MYO3A: variants seen among roughly 807,000 people sequenced by gnomAD.
MYO3A encodes myosin IIIA.
In MYO3A, 180 loss-of-function variants were observed where a neutral mutation model predicts 192.7. The ratio of observed to expected loss-of-function variants is 0.93; its 90% CI spans 0.83 to 1.06. The LOEUF (loss-of-function observed/expected upper bound fraction) is 1.06, where lower values mean the gene tolerates loss of function less well. Among genes scored for constraint, MYO3A ranks in the 50% least tolerant of loss-of-function variants. The probability of loss-of-function intolerance (pLI) is 0.00; values close to 1 mark genes in which losing one functional copy is unlikely to be tolerated. For synonymous variants in MYO3A, 628 were observed against 645.3 expected, an observed-to-expected ratio of 0.97 and a Z score of 0.41; for missense variants, 1,896 against 1,905.0, an observed-to-expected ratio of 1.00 and a Z score of 0.09.
intron 14 of MYO3A, among the ~76,000 whole-genome samples, chr10:26,074,564 AT>A (rs11287744): frequency 0.37 from 54,483 of 147,004 alleles, 10,676 homozygotes; most frequent in Middle Eastern, 0.5. Context: ...TATATACTTC[AT>A]TTTTTTCTTT....
intron 31 of MYO3A, among the ~76,000 whole-genome samples, chr10:26,188,341 T>C (rs2132123227): frequency 6.6e-6 from 1 of 152,238 alleles, no homozygotes; most frequent in African/African-American, 2.4e-5. Context: ...ATGGGGTTGT[T>C]TGTTTTTTTC....
chr10:26,105,542 A>G (rs1417595452), intron 17 of MYO3A, among the ~76,000 whole-genome samples: 1 of 152,040 alleles, frequency 6.6e-6, no homozygotes, highest in East Asian at 1.9e-4. Context: ...CTTTTATTGA[A>G]TTATTTATAT....
chr10:25,963,794 G>T (rs1838089607), intron 4 of MYO3A, among the ~76,000 whole-genome samples: 1 of 152,010 alleles, frequency 6.6e-6, no homozygotes, highest in African/African-American at 2.4e-5. Flanking sequence ...TTGTTTAAAG[G>T]GCAGGATAGA....
chr10:26,165,880 G>A, intron 26 of MYO3A, 187 bp from the exon 27 acceptor site: 1 of 674,108 alleles, frequency 1.5e-6, no homozygotes, highest in South Asian at 1.7e-5. Flanking sequence ...ATACAGACTG[G>A]ACTGGGTTTC....
intron 15 of MYO3A, among the ~76,000 whole-genome samples, chr10:26,094,539 C>T (rs112423521): frequency 5.0e-4 from 76 of 151,620 alleles, no homozygotes; most frequent in African/African-American, 1.8e-3. Context: ...ATTCTCCTGC[C>T]TCAGCCTCCC....
chr10:26,195,263 C>T (rs1843352196), intron 32 of MYO3A, among the ~76,000 whole-genome samples: 1 of 152,112 alleles, frequency 6.6e-6, no homozygotes, highest in Non-Finnish European at 1.5e-5. Flanking sequence ...CTCCCTCGTT[C>T]TCATCTTCCA....
intron 10 of MYO3A, among the ~76,000 whole-genome samples, chr10:26,042,352 T>C (rs182202081): frequency 4.5e-4 from 69 of 152,286 alleles, no homozygotes; most frequent in African/African-American, 1.5e-3. Context: ...TCTTGGACAT[T>C]GATATCTTTT....
chr10:26,041,348 TTGC>T (rs1012893191), intron 10 of MYO3A, among the ~76,000 whole-genome samples: 34 of 151,050 alleles, frequency 2.3e-4, no homozygotes, highest in South Asian at 4.2e-4. Context: ...TTTGTTGTTG[TTGC>T]TGTTGTTGTT....
intron 10 of MYO3A, among the ~76,000 whole-genome samples, chr10:26,066,344 A>G (rs1000660653): frequency 6.6e-6 from 1 of 152,182 alleles, no homozygotes; most frequent in Non-Finnish European, 1.5e-5. Context: ...AAATACAATC[A>G]TCCCCAAAAT....
In MYO3A at chr10:26,105,886, T is replaced by C. The variant is rs114245568; in HGVS notation, c.1776+9204T>C. Among the ~76,000 whole-genome samples, 1,324 of 152,178 alleles carry C rather than the reference T, an allele frequency of 8.7e-3. 16 individuals are homozygous for C. Among genetic ancestry groups the C allele is most frequent in the African/African-American group, 0.029 (1,205 of 41,560 alleles). ...GGTACCAGATGGAGCACCACTTTTC[T>C]TTTATTCCAGATGGAGAGCCAGAAT... is the stretch of plus-strand genomic sequence containing the variant. On this transcript the variant is annotated intron_variant, in intron 17 of 34. Transcript: ENST00000642920.
intron 26 of MYO3A, among the ~76,000 whole-genome samples, chr10:26,162,953 C>G (rs1841552866): frequency 6.6e-6 from 1 of 152,218 alleles, no homozygotes; most frequent in Non-Finnish European, 1.5e-5. Context: ...AGTAGGTCTT[C>G]CTTAAGGAAA....
intron 4 of MYO3A, among the ~76,000 whole-genome samples, chr10:25,994,100 G>T (rs2130881824): frequency 6.6e-6 from 1 of 152,226 alleles, no homozygotes; most frequent in South Asian, 2.1e-4. Context: ...TCTGTCTAAT[G>T]TTGACAGTGG....
intron 29 of MYO3A, among the ~76,000 whole-genome samples, chr10:26,172,601 T>G (rs1842104026): frequency 6.6e-6 from 1 of 152,242 alleles, no homozygotes; most frequent in Admixed American, 6.5e-5. Context: ...CTTATCTTCT[T>G]AGTTGTATTT....
intron 6 of MYO3A, among the ~76,000 whole-genome samples, chr10:26,006,343 A>G (rs1457200739): frequency 6.6e-6 from 1 of 152,234 alleles, no homozygotes; most frequent in African/African-American, 2.4e-5. Context: ...GAGCCAACAC[A>G]TTCAAAAGCT....
chr10:26,039,672 T>G (rs1025593425), intron 10 of MYO3A, among the ~76,000 whole-genome samples: 1 of 152,134 alleles, frequency 6.6e-6, no homozygotes, highest in African/African-American at 2.4e-5. Context: ...TGATGTATAT[T>G]TGCTCATATT....
intron 10 of MYO3A, among the ~76,000 whole-genome samples, chr10:26,039,798 C>G (rs922650234): frequency 6.6e-6 from 1 of 151,924 alleles, no homozygotes; most frequent in Non-Finnish European, 1.5e-5. Context: ...AAAGGTTTGT[C>G]AATTTTCTTT....
At chr10:26,138,844 G>A (rs1248387937) in intron 20 of MYO3A, among the ~76,000 whole-genome samples, 1 of 152,186 alleles carries the variant, frequency 6.6e-6, no homozygotes, top group Non-Finnish European at 1.5e-5. Context: ...GGATTCCTGT[G>A]GAATGTTGTC....
intron 9 of MYO3A, among the ~76,000 whole-genome samples, chr10:26,024,849 T>A (rs1422723417): frequency 6.6e-6 from 1 of 152,164 alleles, no homozygotes; most frequent in Non-Finnish European, 1.5e-5. Context: ...CTGGTTGCTA[T>A]TGATTTGGTT....
At chr10:25,991,316 G>A (rs1236540165) in intron 4 of MYO3A, among the ~76,000 whole-genome samples, 3 of 152,170 alleles carry the variant, frequency 2.0e-5, no homozygotes, top group Admixed American at 1.3e-4. Context: ...GTCTTCTTTT[G>A]AGAAATGTCT....
Sources: gnomAD v4.1 joint callset for allele counts (sites outside exome capture counted in the v4.1 genomes callset) on GRCh38, gnomAD v4.1.1 for gene constraint, MANE v1.5 for transcripts, NCBI Gene and HGNC (gene_info 2026-07-23, HGNC 2026-07-21) for gene names.